MAP4K3: variants seen among roughly 807,000 people sequenced by gnomAD.
MAP4K3 encodes MAPK/ERK kinase kinase kinase 3.
In MAP4K3, 94 loss-of-function variants were observed where a neutral mutation model predicts 143.5. The observed-to-expected ratio is 0.65, with a 90% confidence interval of 0.55 to 0.78. MAP4K3 has a LOEUF of 0.78. Among genes scored for constraint, MAP4K3 ranks in the 30% least tolerant of loss-of-function variants. The pLI is 0.00. For missense variants in MAP4K3, 1,077 were observed against 1,068.1 expected (o/e 1.01, Z -0.12); for synonymous variants, 416 against 347.2 (o/e 1.20, Z -2.20).
chr2:39,282,972 T>C (rs1681603199), intron 21 of MAP4K3, among the ~76,000 whole-genome samples: 1 of 152,252 alleles, frequency 6.6e-6, no homozygotes, highest in South Asian at 2.1e-4. Context: ...ACTTAGTTCA[T>C]TTGTTTTAAC....
At position 39,322,901 on chromosome 2, in the gene MAP4K3, C is replaced by T. The variant is rs1361897968; in HGVS notation, c.918+2617G>A. 1.3e-5 allele frequency among the ~76,000 whole-genome samples: 2 copies of T among 151,984 alleles called. 1 individual carries two copies. The highest frequency in any genetic ancestry group is 1.3e-4 in the Admixed American group (2 of 15,260). ...GCCAAGCTGGTCCCAAACTCCTGACCTCAGGTGATCCACCTGCCTCGGTCT... is the reference window on the plus strand; with the variant it reads ...GCCAAGCTGGTCCCAAACTCCTGACTTCAGGTGATCCACCTGCCTCGGTCT... On this transcript the variant is annotated intron_variant, in intron 12 of 33. Transcript: ENST00000263881.
At chr2:39,354,910 G>A (rs1412493487) in intron 3 of MAP4K3, among the ~76,000 whole-genome samples, 3 of 152,180 alleles carry the variant, frequency 2.0e-5, no homozygotes, top group Non-Finnish European at 4.4e-5. Flanking sequence ...TATGTTGGAT[G>A]TTGCTAAAGT....
chr2:39,314,929 G>A (rs1329681028), intron 13 of MAP4K3, among the ~76,000 whole-genome samples: 2 of 152,208 alleles, frequency 1.3e-5, no homozygotes, highest in African/African-American at 2.4e-5. Context: ...GATCATGAGT[G>A]CATGAATGAC....
chr2:39,392,279 A>T (rs1167891071), intron 1 of MAP4K3, among the ~76,000 whole-genome samples: 1 of 152,044 alleles, frequency 6.6e-6, no homozygotes, highest in Non-Finnish European at 1.5e-5. Flanking sequence ...ATGAAGACTA[A>T]GTTTTCCAGA....
At position 39,377,929 on chromosome 2, in the gene MAP4K3, A is replaced by C. The variant is rs1449188259; in HGVS notation, c.154+137T>G. 7.9e-6 allele frequency: 5 copies of C among 631,778 alleles called. No homozygotes were observed. In the Admixed American group the frequency reaches 1.4e-4, roughly 18 times the overall value. 39.1% of individuals were successfully genotyped at this position (631,778 alleles called of 1,614,324 possible). A position where few individuals can be genotyped will look rare whatever the true frequency, so the allele number is the denominator to read the frequency against. ...TATGCAGAACTTGAAGAAGTGGAGGAAAGGGCATACAAGCAGCTCTATTTA... is the reference window on the plus strand; with the variant it reads ...TATGCAGAACTTGAAGAAGTGGAGGCAAGGGCATACAAGCAGCTCTATTTA... On this transcript the variant is annotated intron_variant, in intron 2 of 33. Coordinates refer to ENST00000263881, the MANE Select transcript of MAP4K3 (RefSeq NM_003618.4).
At chr2:39,260,570 T>G (rs371059913) in intron 29 of MAP4K3, 36 bp downstream of exon 29, 1 of 1,573,454 alleles carries the variant, frequency 6.4e-7, no homozygotes, top group Non-Finnish European at 8.7e-7. Context: ...AACCAGTATA[T>G]GTATTACCCT....
At position 39,390,110 on chromosome 2, in the gene MAP4K3, G is replaced by A. The variant is rs192534590; in HGVS notation, c.97-11987C>T. ...TATATAACAGTGATTCTTAATTGAGGATACTAACCCCATAAAAATGGAAAG... is the reference window on the plus strand; with the variant it reads ...TATATAACAGTGATTCTTAATTGAGAATACTAACCCCATAAAAATGGAAAG... On this transcript the variant is annotated intron_variant, in intron 1 of 33. Transcript: ENST00000263881. Among the ~76,000 whole-genome samples the A allele has an allele frequency of 2.6e-5, 4 of 152,214 alleles. No individual in the cohort carries two copies. The East Asian group carries it at 7.7e-4, about 29-fold the overall frequency.
intron 1 of MAP4K3, among the ~76,000 whole-genome samples, chr2:39,394,337 T>C (rs1177408435): frequency 6.6e-6 from 1 of 152,222 alleles, no homozygotes; most frequent in Non-Finnish European, 1.5e-5. Flanking sequence ...CACGTTGCAC[T>C]ACAGCAAGCC....
chr2:39,393,515 C>T (rs1666723466), intron 1 of MAP4K3, among the ~76,000 whole-genome samples: 1 of 152,152 alleles, frequency 6.6e-6, no homozygotes, highest in Admixed American at 6.6e-5. Context: ...TAGCAAACTT[C>T]ATTTTTTAAA....
At chr2:39,374,525 T>C (rs1180128445) in intron 2 of MAP4K3, among the ~76,000 whole-genome samples, 1 of 151,562 alleles carries the variant, frequency 6.6e-6, no homozygotes, top group African/African-American at 2.4e-5. Context: ...CTACTAAAAA[T>C]ACAAAAATTA....
At position 39,249,425 on chromosome 2, in the gene MAP4K3, CA is replaced by C. The variant is rs1680056561; in HGVS notation, c.*1192del. ...ACATTAAAATATAAAGAACATATAC[CA>C]AAAAGAGCCAAAAGTGTGCATTTTG... On this transcript the variant is annotated 3_prime_UTR_variant, in exon 34 of 34. Coordinates refer to ENST00000263881, the MANE Select transcript of MAP4K3 (RefSeq NM_003618.4). 1 of 152,240 alleles carries C rather than the reference CA, an allele frequency of 6.6e-6. No homozygotes were observed. Among genetic ancestry groups the C allele is most frequent in the African/African-American group, 2.4e-5 (1 of 41,330 alleles). 9.4% of individuals were successfully genotyped at this position (152,240 alleles called of 1,614,324 possible).
intron 1 of MAP4K3, among the ~76,000 whole-genome samples, chr2:39,412,699 G>T (rs938961926): frequency 6.6e-6 from 1 of 152,068 alleles, no homozygotes; most frequent in African/African-American, 2.4e-5. Flanking sequence ...CGTTTATGAA[G>T]TACTTACTAT....
chr2:39,363,029 C>CA (rs1305485595), intron 2 of MAP4K3, among the ~76,000 whole-genome samples: 2 of 152,142 alleles, frequency 1.3e-5, no homozygotes, highest in East Asian at 1.9e-4. Flanking sequence ...CCTACATACA[C>CA]AAAAAATTCA....
intron 1 of MAP4K3, among the ~76,000 whole-genome samples, chr2:39,427,509 T>C (rs1246167658): frequency 6.6e-6 from 1 of 152,002 alleles, no homozygotes; most frequent in Non-Finnish European, 1.5e-5. Flanking sequence ...TTAAGAACAG[T>C]AGAACCAAAG....
chr2:39,430,184 A>G (rs1198309130), intron 1 of MAP4K3, among the ~76,000 whole-genome samples: 4 of 152,234 alleles, frequency 2.6e-5, no homozygotes, highest in Non-Finnish European at 4.4e-5. Context: ...TATGTAGGTT[A>G]GCATACAGGC....
In MAP4K3 at chr2:39,343,392, A is replaced by G; in HGVS notation, c.306T>C (p.Tyr102=). ...AAAATACAACTTTGGTCTTACCGTG[A>G]TAAATATCCTGTAAAGAACCACCTC... ...FCGGGSLQDI[Y]HVTGPLSELQ... is the part of the protein sequence containing the mutation. The change falls in exon 4 of 34, where the codon TAT becomes TAC. Residue 102 remains tyrosine, a synonymous_variant. Coordinates refer to ENST00000263881, the MANE Select transcript of MAP4K3 (RefSeq NM_003618.4). 6.2e-7 allele frequency: 1 copy of G among 1,612,148 alleles called. No homozygotes were observed. Among genetic ancestry groups the G allele is most frequent in the Non-Finnish European group, 8.5e-7 (1 of 1,178,718 alleles).
chr2:39,345,533 G>A (rs1665263222), intron 3 of MAP4K3, among the ~76,000 whole-genome samples: 1 of 152,146 alleles, frequency 6.6e-6, no homozygotes, highest in African/African-American at 2.4e-5. Context: ...GGACAAGGTA[G>A]CATACAAAAA....
intron 27 of MAP4K3, among the ~76,000 whole-genome samples, chr2:39,266,521 G>C (rs993924477): frequency 4.0e-5 from 6 of 151,438 alleles, no homozygotes; most frequent in African/African-American, 1.2e-4. Context: ...CACATGTTAT[G>C]TCATTTCTTC....
At chr2:39,333,451 C>T (rs543928390) in intron 7 of MAP4K3, 81 bp downstream of exon 7, 2 of 1,092,326 alleles carry the variant, frequency 1.8e-6, no homozygotes, top group Non-Finnish European at 2.8e-6. Flanking sequence ...AGAGGGAAAA[C>T]CTGGTCCTAC....
Sources: gnomAD v4.1 joint callset for allele counts (sites outside exome capture counted in the v4.1 genomes callset) on GRCh38, gnomAD v4.1.1 for gene constraint, MANE v1.5 for transcripts, NCBI Gene and HGNC (gene_info 2026-07-23, HGNC 2026-07-21) for gene names.